UGT1A10: variants seen among roughly 807,000 people sequenced by gnomAD.
The protein encoded by UGT1A10 is UDP glucuronosyltransferase family 1 member A10.
In UGT1A10, 49 loss-of-function variants were observed where a neutral mutation model predicts 45.8. The observed-to-expected ratio is 1.07, with a 90% confidence interval of 0.85 to 1.36. The LOEUF (loss-of-function observed/expected upper bound fraction) is 1.36, where lower values mean the gene tolerates loss of function less well. Among genes scored for constraint, UGT1A10 ranks in the 40% most tolerant of loss-of-function variants. UGT1A10 has a pLI of 0.00. For synonymous variants in UGT1A10, 284 were observed against 249.7 expected (o/e 1.14, Z -1.29); for missense variants, 745 against 668.6 (o/e 1.11, Z -1.26).
chr2:233,690,508 G>T, intron 1 of UGT1A10: 1 of 1,289,314 alleles, frequency 7.8e-7, no homozygotes, highest in South Asian at 1.2e-5. Context: ...ACAGAGATTT[G>T]TTTTATCTTA....
At chr2:233,647,624 G>A (rs557828129) in intron 1 of UGT1A10, among the ~76,000 whole-genome samples, 43 of 152,316 alleles carry the variant, frequency 2.8e-4, no homozygotes, top group African/African-American at 9.9e-4. Context: ...CTGACAGCTT[G>A]TGTCTTTTAA....
chr2:233,704,568 T>C (rs765343454), intron 1 of UGT1A10, among the ~76,000 whole-genome samples: 2 of 152,150 alleles, frequency 1.3e-5, no homozygotes, highest in Non-Finnish European at 2.9e-5. Flanking sequence ...TAAATACACA[T>C]GCTTTCAAGA....
In UGT1A10 at chr2:233,748,281, A is replaced by G. The variant is rs187598208; in HGVS notation, c.856-18753A>G. 1.2e-3 allele frequency among the ~76,000 whole-genome samples: 189 copies of G among 151,888 alleles called. 5 individuals are homozygous for G. The highest frequency in any genetic ancestry group is 4.3e-3 in the African/African-American group (178 of 41,188). ...TTAAATGGTCAATGAGAGGAAGAAG[A>G]GGCAGACATGAATGTTTATCAAAGG... On this transcript the variant is annotated intron_variant, in intron 1 of 4. Coordinates refer to ENST00000344644, the MANE Select transcript of UGT1A10 (RefSeq NM_019075.4).
At chr2:233,725,740 A>G (rs2077471611) in intron 1 of UGT1A10, among the ~76,000 whole-genome samples, 1 of 152,228 alleles carries the variant, frequency 6.6e-6, no homozygotes. Context: ...AAATGTAAAC[A>G]TTGTAAGAGA....
intron 1 of UGT1A10, among the ~76,000 whole-genome samples, chr2:233,766,324 C>T (rs1363274147): frequency 2.0e-5 from 3 of 152,132 alleles, no homozygotes; most frequent in East Asian, 1.9e-4. Context: ...AGCCAAACTC[C>T]GCGTTGTTCT....
At chr2:233,760,288 A>T (rs1697385056) in intron 1 of UGT1A10, 1 of 1,613,272 alleles carries the variant, frequency 6.2e-7, no homozygotes, top group East Asian at 2.2e-5. Flanking sequence ...CAAAGGCGCC[A>T]TGGCTGTGGA....
intron 1 of UGT1A10, among the ~76,000 whole-genome samples, chr2:233,712,775 T>G (rs1217639688): frequency 6.6e-6 from 1 of 151,950 alleles, no homozygotes; most frequent in Admixed American, 6.6e-5. Context: ...TCAGATGAGT[T>G]TTTCAAGATA....
intron 1 of UGT1A10, among the ~76,000 whole-genome samples, chr2:233,717,560 C>T (rs2076588368): frequency 6.6e-6 from 1 of 152,246 alleles, no homozygotes; most frequent in Admixed American, 6.5e-5. Flanking sequence ...CAATGGCAGA[C>T]ATGGCCAGGC....
chr2:233,742,393 A>G (rs1691967380), intron 1 of UGT1A10, among the ~76,000 whole-genome samples: 1 of 151,992 alleles, frequency 6.6e-6, no homozygotes, highest in African/African-American at 2.4e-5. Context: ...GGCTCATGTT[A>G]TTATTTGTAG....
rs200729912 is a variant in UGT1A10 at position 233,749,181 on chromosome 2, T to A, written c.856-17853T>A. Among the ~76,000 whole-genome samples, 4 of 151,898 alleles carry A rather than the reference T, an allele frequency of 2.6e-5. No homozygotes were observed. The East Asian group carries it at 7.7e-4, about 29-fold the overall frequency. On this transcript the variant is annotated intron_variant, in intron 1 of 4. Transcript: ENST00000344644. The stretch of plus-strand genomic sequence containing the variant: ...CCTTTTGTATTTTTATTTCTGTACT[T>A]CTTTTTATTAACATAGGTATTATTG...
At chr2:233,651,866 C>T (rs1338003982) in intron 1 of UGT1A10, among the ~76,000 whole-genome samples, 1 of 152,056 alleles carries the variant, frequency 6.6e-6, no homozygotes, top group Admixed American at 6.6e-5. Context: ...AGGGGTTTTT[C>T]CTGAAGGTCT....
chr2:233,736,909 G>T (rs1037857066), intron 1 of UGT1A10, among the ~76,000 whole-genome samples: 5 of 152,172 alleles, frequency 3.3e-5, no homozygotes, highest in Non-Finnish European at 1.5e-5. Flanking sequence ...TCCTCTGGAA[G>T]CTTCATACCA....
Position 233,760,582 on chromosome 2 carries a change from GT to G in UGT1A10, c.856-6447del. ...GTCTTTTGTTAGTCTCGGGCATAATGTTTTTGAGAATGATTCTTTCCTGCAG... is the reference window on the plus strand; with the variant it reads ...GTCTTTTGTTAGTCTCGGGCATAATGTTTTGAGAATGATTCTTTCCTGCAG... On this transcript the variant is annotated intron_variant, in intron 1 of 4. Coordinates refer to ENST00000344644, the MANE Select transcript of UGT1A10 (RefSeq NM_019075.4). 3 of 1,614,178 alleles carry G rather than the reference GT, an allele frequency of 1.9e-6. No homozygotes were observed. The highest frequency in any genetic ancestry group is 3.3e-4 in the Middle Eastern group (2 of 6,062).
intron 1 of UGT1A10, among the ~76,000 whole-genome samples, chr2:233,679,987 A>G (rs931822429): frequency 2.0e-5 from 3 of 152,064 alleles, no homozygotes; most frequent in African/African-American, 7.2e-5. Context: ...TGTCTTCATG[A>G]ATCTTTTCTT....
At chr2:233,681,345 G>A (rs999137622) in intron 1 of UGT1A10, among the ~76,000 whole-genome samples, 1 of 151,696 alleles carries the variant, frequency 6.6e-6, no homozygotes, top group African/African-American at 2.4e-5. Context: ...ACCAGCCTGG[G>A]CAACATGGTG....
chr2:233,713,766 G>T, intron 1 of UGT1A10: 6 of 1,613,460 alleles, frequency 3.7e-6, no homozygotes, highest in Non-Finnish European at 5.1e-6. Flanking sequence ...GCTGTTCCGA[G>T]GGGACTTTGT....
chr2:233,678,437 AGAGGTAGAG>A (rs1326741823), intron 1 of UGT1A10, among the ~76,000 whole-genome samples: 1 of 152,196 alleles, frequency 6.6e-6, no homozygotes, highest in Admixed American at 6.6e-5. Flanking sequence ...CAGAGGCAGA[AGAGGTAGAG>A]GAGGTGGAAG....
At chr2:233,680,971 A>T (rs1156582605) in intron 1 of UGT1A10, among the ~76,000 whole-genome samples, 1 of 152,056 alleles carries the variant, frequency 6.6e-6, no homozygotes, top group Non-Finnish European at 1.5e-5. Flanking sequence ...GGAAGGGTCC[A>T]TGGAGGCAGG....
At chr2:233,743,749 C>G (rs937168653) in intron 1 of UGT1A10, 24 of 1,367,282 alleles carry the variant, frequency 1.8e-5, no homozygotes, top group Non-Finnish European at 2.3e-5. Context: ...TGGCGTCCGA[C>G]AACACCTCGT....
Sources: allele counts gnomAD v4.1 joint callset (sites outside exome capture counted in the v4.1 genomes callset), GRCh38; gene constraint gnomAD v4.1.1; transcripts MANE v1.5; gene names NCBI Gene and HGNC (gene_info 2026-07-23, HGNC 2026-07-21).